SLCO5A1: variants seen among roughly 807,000 people sequenced by gnomAD.
The protein encoded by SLCO5A1 is solute carrier organic anion transporter family member 5A1.
Under a neutral mutation model 65.1 loss-of-function variants are expected in SLCO5A1, and 39 were observed. The observed-to-expected ratio is 0.60, with a 90% CI of 0.46 to 0.78. SLCO5A1 has a LOEUF of 0.78. Among genes scored for constraint, SLCO5A1 ranks in the 30% least tolerant of loss-of-function variants. SLCO5A1 has a pLI of 0.00. For synonymous variants in SLCO5A1, 438 were observed against 415.7 expected (o/e 1.05, Z -0.65); for missense variants, 1,029 against 1,069.4 (o/e 0.96, Z 0.53).
At chr8:69,762,225 C>G (rs1308619009) in intron 2 of SLCO5A1, among the ~76,000 whole-genome samples, 1 of 149,132 alleles carries the variant, frequency 6.7e-6, no homozygotes, top group Non-Finnish European at 1.5e-5. Context: ...CTTGCTCTGT[C>G]ACCCAGGTTG....
intron 2 of SLCO5A1, among the ~76,000 whole-genome samples, chr8:69,827,944 G>C (rs1172338201): frequency 6.6e-6 from 1 of 152,096 alleles, no homozygotes; most frequent in Non-Finnish European, 1.5e-5. Flanking sequence ...GTTGAACGTG[G>C]CACATCCTGC....
chr8:69,792,855 G>A (rs1819328889), intron 2 of SLCO5A1, among the ~76,000 whole-genome samples: 1 of 152,088 alleles, frequency 6.6e-6, no homozygotes, highest in African/African-American at 2.4e-5. Flanking sequence ...CTAATCATAG[G>A]ACTTAATGTA....
At chr8:69,798,776 G>A (rs919560223) in intron 2 of SLCO5A1, among the ~76,000 whole-genome samples, 6 of 152,212 alleles carry the variant, frequency 3.9e-5, no homozygotes, top group South Asian at 2.1e-4. Context: ...GGAGGAACAC[G>A]AGGTGGATGA....
intron 2 of SLCO5A1, among the ~76,000 whole-genome samples, chr8:69,812,518 T>C (rs1820248405): frequency 6.6e-6 from 1 of 152,228 alleles, no homozygotes; most frequent in Non-Finnish European, 1.5e-5. Flanking sequence ...CAAAGTATAG[T>C]ATGAGTCTCA....
Position 69,672,980 on chromosome 8 carries a change from T to C in SLCO5A1, c.2436A>G (p.Lys812=), listed in dbSNP as rs1368060183. ...GEFHEETGLQ[K]GIQCAAQTYP... is the part of the protein sequence containing the mutation. The stretch of plus-strand genomic sequence containing the variant: ...AGGTCTGTGCTGCGCACTGGATCCC[T>C]TTTTGCAGGCCAGTCTCTTCGTGGA... The change falls in exon 10 of 10, where the codon AAA becomes AAG. Residue 812 remains lysine, a synonymous_variant. Coordinates refer to ENST00000260126, the MANE Select transcript of SLCO5A1 (RefSeq NM_030958.3). 1 of 1,614,228 alleles carries C rather than the reference T, an allele frequency of 6.2e-7. No homozygotes were observed. Among genetic ancestry groups the C allele is most frequent in the East Asian group, 2.2e-5 (1 of 44,876 alleles).
intron 5 of SLCO5A1, among the ~76,000 whole-genome samples, chr8:69,730,986 G>A (rs768914034): frequency 1.2e-4 from 18 of 151,424 alleles, no homozygotes; most frequent in African/African-American, 2.9e-4. Flanking sequence ...TTAGGTTGGT[G>A]CAAAAGTAAT....
chr8:69,750,011 G>C (rs767417842), intron 4 of SLCO5A1, among the ~76,000 whole-genome samples: 1 of 152,176 alleles, frequency 6.6e-6, no homozygotes, highest in Non-Finnish European at 1.5e-5. Context: ...AAAAGTCCTG[G>C]GGTGAGACTC....
chr8:69,738,290 G>A (rs1479842542), intron 4 of SLCO5A1, 86 bp from the exon 5 acceptor site: 3 of 1,282,888 alleles, frequency 2.3e-6, no homozygotes, highest in Non-Finnish European at 3.1e-6. Flanking sequence ...AAATGAACTG[G>A]AAATAGCCAT....
chr8:69,767,921 A>AAGAC (rs1818144441), intron 2 of SLCO5A1, among the ~76,000 whole-genome samples: 1 of 150,418 alleles, frequency 6.6e-6, no homozygotes. Context: ...ACAAAAAGAA[A>AAGAC]AAGAAAAAGA....
At chr8:69,770,625 A>C (rs911391948) in intron 2 of SLCO5A1, among the ~76,000 whole-genome samples, 4 of 152,194 alleles carry the variant, frequency 2.6e-5, no homozygotes, top group African/African-American at 9.6e-5. Context: ...CCCTTCCAAA[A>C]AGGCCACCTT....
chr8:69,679,121 A>G (rs56234644), intron 8 of SLCO5A1, among the ~76,000 whole-genome samples: 5,958 of 152,296 alleles, frequency 0.039, 400 homozygotes, highest in African/African-American at 0.13. Context: ...AAACATCAAA[A>G]GACGTTTCAT....
chr8:69,696,559 C>T (rs542912276), intron 6 of SLCO5A1, among the ~76,000 whole-genome samples: 72 of 152,244 alleles, frequency 4.7e-4, no homozygotes, highest in African/African-American at 1.7e-3. Context: ...TCAGGAAGTG[C>T]TTCTCTAAGG....
intron 5 of SLCO5A1, among the ~76,000 whole-genome samples, chr8:69,725,162 C>A (rs1816004601): frequency 6.6e-6 from 1 of 152,104 alleles, no homozygotes; most frequent in South Asian, 2.1e-4. Flanking sequence ...AATTAGTTGA[C>A]TCACTCAAGG....
chr8:69,765,329 C>T (rs190779236), intron 2 of SLCO5A1, among the ~76,000 whole-genome samples: 41 of 150,826 alleles, frequency 2.7e-4, no homozygotes, highest in East Asian at 2.1e-3. Flanking sequence ...ACATATATGA[C>T]GGTATATTAC....
chr8:69,793,855 G>A (rs1819374126), intron 2 of SLCO5A1, among the ~76,000 whole-genome samples: 1 of 152,110 alleles, frequency 6.6e-6, no homozygotes. Context: ...GGGAGTAGAG[G>A]AGAGAGAAGA....
At chr8:69,679,786 C>T (rs1406850827) in intron 7 of SLCO5A1, among the ~76,000 whole-genome samples, 167 bp from the exon 8 acceptor site, 1 of 152,174 alleles carries the variant, frequency 6.6e-6, no homozygotes, top group South Asian at 2.1e-4. Context: ...GTAAGGATCT[C>T]AAGTGTGTGT....
At chr8:69,711,522 C>G (rs1815258909) in intron 5 of SLCO5A1, among the ~76,000 whole-genome samples, 1 of 152,220 alleles carries the variant, frequency 6.6e-6, no homozygotes, top group Non-Finnish European at 1.5e-5. Flanking sequence ...GGGGGCAGAG[C>G]GTGGGAAGAT....
At chr8:69,702,818 G>A (rs1814803268) in intron 6 of SLCO5A1, among the ~76,000 whole-genome samples, 1 of 152,198 alleles carries the variant, frequency 6.6e-6, no homozygotes, top group African/African-American at 2.4e-5. Context: ...TGGTTAAGAA[G>A]TAAAGGTTGG....
Position 69,784,898 on chromosome 8 carries a change from GAAA to G in SLCO5A1, c.908-23026_908-23024del, listed in dbSNP as rs1563723009. On this transcript the variant is annotated intron_variant, in intron 2 of 9. Transcript: ENST00000260126. ...GAGAAAGAAAGAAAGAAGAAAGGAA[GAAA>G]GAAAGAAAGAAAGAAAGAAAGAAAG... is the stretch of plus-strand genomic sequence containing the variant. Among the ~76,000 whole-genome samples, 69 of 21,524 alleles carry G rather than the reference GAAA, an allele frequency of 3.2e-3. 2 individuals are homozygous for G. In the South Asian group the frequency reaches 0.053, roughly 16 times the overall value. The allele number at this position is 21,524 out of a possible 152,430, so 14.1% of individuals were successfully genotyped here.
Sources: gnomAD v4.1 joint callset for allele counts (sites outside exome capture counted in the v4.1 genomes callset) on GRCh38, gnomAD v4.1.1 for gene constraint, MANE v1.5 for transcripts, NCBI Gene and HGNC (gene_info 2026-07-23, HGNC 2026-07-21) for gene names.